The following MBNL2 variants were observed in gnomAD, a reference collection of about 807,000 sequenced individuals.
MBNL2 encodes muscleblind-like protein 2.
A neutral mutation model predicts 41.9 loss-of-function variants in MBNL2; 17 were observed. The ratio of observed to expected loss-of-function variants is 0.41; its 90% confidence interval spans 0.28 to 0.61. The LOEUF (loss-of-function observed/expected upper bound fraction) is 0.61, where lower values mean the gene tolerates loss of function less well. Ranked by LOEUF, MBNL2 falls within the 20% of genes least tolerant of loss-of-function variation. The probability of loss-of-function intolerance (pLI) is 0.35; values close to 1 mark genes in which losing one functional copy is unlikely to be tolerated. For missense variants in MBNL2, 336 were observed against 505.6 expected (o/e 0.66, Z 3.22); for synonymous variants, 195 against 182.9 (o/e 1.07, Z -0.53).
In MBNL2 at chr13:97,253,205, A is replaced by C. The variant is rs562119310; in HGVS notation, c.-604-22427A>C. 2.2e-3 allele frequency among the ~76,000 whole-genome samples: 340 copies of C among 152,344 alleles called. 2 individuals carry two copies. The highest frequency in any genetic ancestry group is 7.7e-3 in the African/African-American group (322 of 41,586). On this transcript the variant is annotated intron_variant, in intron 1 of 8. Transcript: ENST00000679496. ...AATACAAATTGATATATACATTTAA[A>C]ATAAAGATAACCAACTTGGTTTGCT...
intron 2 of MBNL2, among the ~76,000 whole-genome samples, chr13:97,292,129 A>T (rs1299032366): frequency 6.8e-6 from 1 of 147,126 alleles, no homozygotes; most frequent in East Asian, 2.0e-4. Flanking sequence ...TGAACCCGGG[A>T]CGCGGAGCTT....
chr13:97,191,299 G>C, the MBNL2 span, among the ~76,000 whole-genome samples: 1 of 150,656 alleles, frequency 6.6e-6, no homozygotes, highest in Non-Finnish European at 1.5e-5. Flanking sequence ...GGAGGAGCCT[G>C]GCCCCTCCTC....
intron 2 of MBNL2, among the ~76,000 whole-genome samples, chr13:97,301,025 A>G (rs2057568139): frequency 6.6e-6 from 1 of 152,240 alleles, no homozygotes; most frequent in Non-Finnish European, 1.5e-5. Context: ...CAGATGAATA[A>G]CAAGGGCAGT....
intron 8 of MBNL2, among the ~76,000 whole-genome samples, chr13:97,367,951 T>G (rs913088682): frequency 5.3e-5 from 8 of 151,890 alleles, no homozygotes; most frequent in African/African-American, 1.9e-4. Flanking sequence ...GAGAAGGGAG[T>G]GAGACTGTTT....
intron 8 of MBNL2, among the ~76,000 whole-genome samples, chr13:97,384,657 G>A (rs4771271): frequency 0.028 from 4,277 of 152,306 alleles, 89 homozygotes; most frequent in Middle Eastern, 0.071. Context: ...CTGGGAGGGT[G>A]AGCAACGTGC....
At chr13:97,364,223 CCCTCCCACCTCCTA>C (rs1403614897) in intron 7 of MBNL2, among the ~76,000 whole-genome samples, 2 of 151,956 alleles carry the variant, frequency 1.3e-5, no homozygotes, top group Admixed American at 6.6e-5. Flanking sequence ...TTGAAATTGC[CCCTCCCACCTCCTA>C]CCTCCCCACT....
chr13:97,149,022 G>C, the MBNL2 span, among the ~76,000 whole-genome samples: 1 of 152,194 alleles, frequency 6.6e-6, no homozygotes, highest in Non-Finnish European at 1.5e-5. Context: ...CAATATGTTT[G>C]CTGTGTGTGT....
Position 97,343,142 on chromosome 13 carries a change from G to C in MBNL2, c.466G>C (p.Val156Leu), listed in dbSNP as rs1404053352. Residue 156 changes from valine to leucine, a missense_variant, in exon 4 of 9, where the codon GTT becomes CTT. Val to Leu is a conservative substitution (Grantham distance 32, BLOSUM62 1). Transcript: ENST00000679496. ...TEILPTTPVI[V>L]PGSPPVTVPG... ...AATTCTGCCCACCACGCCTGTTATTGTTCCCGGAAGTCCACCGGTCACTGT... is the reference window on the plus strand; with the variant it reads ...AATTCTGCCCACCACGCCTGTTATTCTTCCCGGAAGTCCACCGGTCACTGT... The C allele has an allele frequency of 6.2e-7, 1 of 1,613,990 alleles. No homozygotes were observed.
chr13:97,373,626 T>TATATATA (rs2064630077), intron 8 of MBNL2, among the ~76,000 whole-genome samples: 3 of 107,634 alleles, frequency 2.8e-5, no homozygotes, highest in Admixed American at 9.0e-5. Flanking sequence ...ATATATATAT[T>TATATATA]AAGGGTAGGA....
chr13:97,294,948 T>G (rs1166229233), intron 2 of MBNL2, among the ~76,000 whole-genome samples: 1 of 152,188 alleles, frequency 6.6e-6, no homozygotes, highest in Non-Finnish European at 1.5e-5. Context: ...ACTATAACTA[T>G]AAACAAAACA....
intron 4 of MBNL2, among the ~76,000 whole-genome samples, chr13:97,345,932 T>C (rs932644751): frequency 2.0e-5 from 3 of 152,066 alleles, no homozygotes; most frequent in African/African-American, 4.8e-5. Flanking sequence ...ATTGAAGATA[T>C]AGAGAGAGGT....
chr13:97,294,691 T>C (rs540446400), intron 2 of MBNL2, among the ~76,000 whole-genome samples: 1 of 152,328 alleles, frequency 6.6e-6, no homozygotes, highest in South Asian at 2.1e-4. Flanking sequence ...TTGAAATAGT[T>C]ATATCACCTA....
chr13:97,153,852 G>A, the MBNL2 span, among the ~76,000 whole-genome samples: 1 of 152,128 alleles, frequency 6.6e-6, no homozygotes, highest in Non-Finnish European at 1.5e-5. Flanking sequence ...CAATGTGCTG[G>A]CTTCCAAACA....
intron 2 of MBNL2, among the ~76,000 whole-genome samples, chr13:97,282,174 G>A (rs908078754): frequency 6.6e-6 from 1 of 151,996 alleles, no homozygotes; most frequent in Non-Finnish European, 1.5e-5. Context: ...GCAACATAGT[G>A]AGACCCCATC....
intron 1 of MBNL2, among the ~76,000 whole-genome samples, chr13:97,232,416 T>A (rs2042510403): frequency 6.6e-6 from 1 of 152,226 alleles, no homozygotes; most frequent in African/African-American, 2.4e-5. Flanking sequence ...ATTTATTGAA[T>A]TTATTGAGCA....
the MBNL2 span, chr13:97,172,426 T>A: frequency 3.9e-5 from 6 of 152,204 alleles, no homozygotes; most frequent in Admixed American, 6.6e-5. Context: ...TGAAACGATT[T>A]CTGCTGTGGA....
intron 1 of MBNL2, among the ~76,000 whole-genome samples, chr13:97,275,186 A>G (rs2051939516): frequency 6.6e-6 from 1 of 152,218 alleles, no homozygotes; most frequent in Non-Finnish European, 1.5e-5. Flanking sequence ...TAGGAAGAAC[A>G]TAAAGAAGAA....
intron 2 of MBNL2, among the ~76,000 whole-genome samples, chr13:97,278,617 T>G (rs1360010984): frequency 6.6e-6 from 1 of 152,160 alleles, no homozygotes; most frequent in East Asian, 1.9e-4. Context: ...CATGAATCAT[T>G]TGTTCAGCAT....
At chr13:97,242,550 A>C (rs890101056) in intron 1 of MBNL2, among the ~76,000 whole-genome samples, 1 of 152,166 alleles carries the variant, frequency 6.6e-6, no homozygotes, top group African/African-American at 2.4e-5. Flanking sequence ...GTGATTTTGC[A>C]GGGCACAGAG....
Sources: gnomAD v4.1 joint callset for allele counts (sites outside exome capture counted in the v4.1 genomes callset) on GRCh38, gnomAD v4.1.1 for gene constraint, MANE v1.5 for transcripts, NCBI Gene and HGNC (gene_info 2026-07-23, HGNC 2026-07-21) for gene names.